CUL4B: variants seen among roughly 807,000 people sequenced by gnomAD.
CUL4B encodes cullin-4B.
In CUL4B, 1 loss-of-function variant was observed where a neutral mutation model predicts 69.2. The ratio of observed to expected loss-of-function variants is 0.01; its 90% CI spans 0.01 to 0.07. The LOEUF (loss-of-function observed/expected upper bound fraction) is 0.07, where lower values mean the gene tolerates loss of function less well. Ranked by LOEUF, CUL4B falls within the 10% of genes least tolerant of loss-of-function variation. CUL4B has a pLI of 1.00. For synonymous variants in CUL4B, 237 were observed against 223.2 expected (o/e 1.06, Z -0.55); for missense variants, 328 against 638.8 (o/e 0.51, Z 5.24).
rs996354925 is a variant in CUL4B at position 120,545,482 on chromosome X, T to C, written c.882A>G (p.Arg294=). 2.5e-6 allele frequency: 3 copies of C among 1,179,881 alleles called. No individual in the cohort carries two copies. Among genetic ancestry groups the C allele is most frequent in the Non-Finnish European group, 3.4e-6 (3 of 876,181 alleles). ...MIRSIFLFLD[R]TYVLQNSMLP... ...GCATTGAATTCTGAAGAACGTAAGT[T>C]CTATCCAGAAACAAAAAAATGCTCC... is the stretch of plus-strand genomic sequence containing the variant. Residue 294 remains arginine (R), a synonymous_variant, in exon 5 of 20, where the codon AGA becomes AGG. Transcript: ENST00000371322.
chrX:120,574,505 A>C (rs376931943), intron 2 of CUL4B: 1 of 1,100,777 alleles, frequency 9.1e-7, no homozygotes, highest in African/African-American at 1.8e-5. Context: ...GCCTGTTAAC[A>C]ATTATTTAGA....
At chrX:120,567,544 ATC>A (rs980655181), downstream of CUL4B, among the ~76,000 whole-genome samples, 1 of 109,040 alleles carries the variant, frequency 9.2e-6, no homozygotes, top group Non-Finnish European at 1.9e-5. Flanking sequence ...TTCAATCAGA[ATC>A]TCTGTGAGGA....
rs750518304 is a variant in CUL4B at position 120,543,251 on chromosome X, T to C, written c.1257-218A>G. Among the ~76,000 whole-genome samples, 3 of 111,647 alleles carry C rather than the reference T, an allele frequency of 2.7e-5. No homozygotes were observed. The East Asian group carries it at 8.3e-4, about 31-fold the overall frequency. Reference sequence around the variant, plus strand: ...ACAGGCAAAAATTTTAAAAAAACACTGCATATTTTAGAATTTGGTTTACAT... The same window carrying C: ...ACAGGCAAAAATTTTAAAAAAACACCGCATATTTTAGAATTTGGTTTACAT... On this transcript the variant is annotated intron_variant, in intron 8 of 19. Transcript: ENST00000371322.
chrX:120,542,653 C>T (rs924726215), intron 9 of CUL4B, among the ~76,000 whole-genome samples: 1 of 111,590 alleles, frequency 9.0e-6, no homozygotes, highest in Non-Finnish European at 1.9e-5. Flanking sequence ...CTATGTTGCC[C>T]AGGCTGACCT....
chrX:120,565,625 T>C (rs1925473245), upstream of CUL4B, among the ~76,000 whole-genome samples: 1 of 74,314 alleles, frequency 1.3e-5, no homozygotes, highest in African/African-American at 5.6e-5. Context: ...GAGGTTGCAG[T>C]GAGCCGAGAT....
upstream of CUL4B, chrX:120,561,249 C>G (rs1018264602): frequency 1.9e-6 from 1 of 515,000 alleles, no homozygotes; most frequent in Non-Finnish European, 3.5e-6. Flanking sequence ...CGCTAGTTCG[C>G]TCCTGCTCCC....
intron 4 of CUL4B, among the ~76,000 whole-genome samples, chrX:120,546,034 A>AG (rs1201326707): frequency 3.6e-5 from 4 of 111,573 alleles, no homozygotes; most frequent in Non-Finnish European, 7.5e-5. Context: ...TCATCAAGAG[A>AG]GAAAAAAAAA....
chrX:120,545,775 T>C (rs1924277973), intron 4 of CUL4B, among the ~76,000 whole-genome samples: 1 of 101,287 alleles, frequency 9.9e-6, no homozygotes, highest in African/African-American at 3.7e-5. Context: ...AACTGAAAAA[T>C]CAAGGGGACG....
At chrX:120,549,278 G>A (rs1924530844) in intron 2 of CUL4B, among the ~76,000 whole-genome samples, 1 of 112,351 alleles carries the variant, frequency 8.9e-6, no homozygotes, top group South Asian at 3.7e-4. Context: ...GCTTGGCAGA[G>A]CGCGGTGGCT....
upstream of CUL4B, chrX:120,561,147 G>A (rs1402152501): frequency 3.5e-5 from 34 of 966,222 alleles, no homozygotes; most frequent in African/African-American, 8.0e-5. Flanking sequence ...GGGAGTGGGG[G>A]TGAGGGAAGC....
intron 2 of CUL4B, among the ~76,000 whole-genome samples, chrX:120,552,979 T>C (rs1220654036): frequency 3.6e-5 from 4 of 112,306 alleles, no homozygotes; most frequent in African/African-American, 1.3e-4. Context: ...AAACCAACTA[T>C]ACAATGAAAC....
intron 11 of CUL4B, 126 bp from the exon 12 acceptor site, chrX:120,539,498 T>G (rs1321006223): frequency 4.7e-6 from 2 of 429,106 alleles, no homozygotes; most frequent in African/African-American, 5.0e-5. Context: ...ATATGCATTT[T>G]TAAAAGTCTC....
At chrX:120,529,291 GTACCAGGTCCAGTGCTAAGATTTT>G (rs1209878616) in intron 19 of CUL4B, among the ~76,000 whole-genome samples, 2 of 111,704 alleles carry the variant, frequency 1.8e-5, no homozygotes, top group Non-Finnish European at 3.8e-5. Context: ...TGCTTATTAT[GTACCAGGTCCAGTGCTAAGATTTT>G]TACATTCATG....
intron 12 of CUL4B, 70 bp from the exon 13 acceptor site, chrX:120,538,840 T>C (rs1412283994): frequency 1.5e-6 from 1 of 659,840 alleles, no homozygotes; most frequent in African/African-American, 2.2e-5. Flanking sequence ...TTTAAAGTGC[T>C]TTAATAAAGC....
At chrX:120,556,913 ATTT>A (rs72098040) in intron 2 of CUL4B, among the ~76,000 whole-genome samples, 6 of 24,770 alleles carry the variant, frequency 2.4e-4, no homozygotes, top group Admixed American at 4.9e-4. Flanking sequence ...GTATATATAT[ATTT>A]TTTTTTTTTT....
intron 2 of CUL4B, among the ~76,000 whole-genome samples, chrX:120,573,834 T>C (rs913870528): frequency 1.3e-4 from 15 of 112,186 alleles, no homozygotes; most frequent in Non-Finnish European, 2.4e-4. Context: ...TTTTTTCTTT[T>C]CTTTTTTTTG....
In CUL4B at chrX:120,533,456, T is replaced by C. The variant is rs759355752; in HGVS notation, c.2267-862A>G. Among the ~76,000 whole-genome samples, 366 of 111,962 alleles carry C rather than the reference T, an allele frequency of 3.3e-3. 1 individual carries two copies. The highest frequency in any genetic ancestry group is 0.011 in the African/African-American group (355 of 30,926). ...CCTAATTTTTTAACTCACTATTCTA[T>C]GTTACAATTAAGCTCTTCATGATTC... is the stretch of plus-strand genomic sequence containing the variant. On this transcript the variant is annotated intron_variant, in intron 17 of 19. Transcript: ENST00000371322.
chrX:120,550,886 G>T (rs961108976), intron 2 of CUL4B, among the ~76,000 whole-genome samples: 4 of 111,508 alleles, frequency 3.6e-5, no homozygotes, highest in African/African-American at 1.3e-4. Context: ...TATCATTTAT[G>T]TAAAAAAGGA....
At chrX:120,559,901 GGATCCTAACCACCCCCGGAAAAT>G (rs2147349603) in intron 1 of CUL4B, 159 bp downstream of exon 1, 1 of 1,138,109 alleles carries the variant, frequency 8.8e-7, no homozygotes, top group African/African-American at 1.8e-5. Context: ...TTCAGCACAA[GGATCCTAACCACCCCCGGAAAAT>G]GAACCCTCCA....
Sources: allele counts gnomAD v4.1 joint callset (sites outside exome capture counted in the v4.1 genomes callset), GRCh38; gene constraint gnomAD v4.1.1; transcripts MANE v1.5; gene names NCBI Gene and HGNC (gene_info 2026-07-23, HGNC 2026-07-21).